Variants in FAF2 observed in about 807,000 individuals in gnomAD.
The protein encoded by FAF2 is Fas associated factor family member 2, also known as FAS-associated factor 2.
In FAF2, 9 loss-of-function variants were observed where a neutral mutation model predicts 62.3. The observed-to-expected ratio is 0.14, with a 90% CI of 0.09 to 0.25. FAF2 has a LOEUF of 0.25. Ranked by LOEUF, FAF2 falls within the 10% of genes least tolerant of loss-of-function variation. The pLI is 1.00. For missense variants in FAF2, 368 were observed against 556.2 expected (o/e 0.66, Z 3.40); for synonymous variants, 202 against 198.0 (o/e 1.02, Z -0.17).
At chr5:176,450,863 GAA>G (rs1758154024) in intron 1 of FAF2, among the ~76,000 whole-genome samples, 5 of 152,110 alleles carry the variant, frequency 3.3e-5, no homozygotes, top group Non-Finnish European at 7.4e-5. Context: ...ATCTTTATTA[GAA>G]GAGAGGTGGG....
intron 1 of FAF2, among the ~76,000 whole-genome samples, chr5:176,456,905 G>C (rs1758285464): frequency 6.6e-6 from 1 of 152,068 alleles, no homozygotes; most frequent in East Asian, 1.9e-4. Flanking sequence ...ATCTTGGAAA[G>C]GTTTTGACAT....
At chr5:176,461,202 C>G (rs1030222997) in intron 1 of FAF2, among the ~76,000 whole-genome samples, 4 of 151,100 alleles carry the variant, frequency 2.6e-5, no homozygotes, top group African/African-American at 9.7e-5. Flanking sequence ...TTAGTAGAGA[C>G]AGGGTTTCAC....
At chr5:176,501,750 T>G (rs1288565848) in intron 10 of FAF2, among the ~76,000 whole-genome samples, 1 of 152,216 alleles carries the variant, frequency 6.6e-6, no homozygotes, top group African/African-American at 2.4e-5. Context: ...GAAGTGCTTA[T>G]GTCTCTAACT....
chr5:176,492,112 T>TA, intron 4 of FAF2, 82 bp from the exon 5 acceptor site: 1 of 1,546,072 alleles, frequency 6.5e-7, no homozygotes, highest in South Asian at 1.1e-5. Flanking sequence ...CTGGCTCTGT[T>TA]ACAGGAATCT....
chr5:176,482,437 T>G lies in FAF2; in HGVS notation c.132+3181T>G, dbSNP rs562553824. On this transcript the variant is annotated intron_variant, in intron 2 of 10. Coordinates refer to ENST00000261942, the MANE Select transcript of FAF2 (RefSeq NM_014613.3). ...CATGTTGGCCAGGCTGGTGTTGAAC[T>G]CCTGGCCTCAAGTGATCCACCCGCC... Among the ~76,000 whole-genome samples the G allele has an allele frequency of 3.3e-4, 51 of 152,298 alleles. No individual in the cohort carries two copies. The South Asian group carries it at 9.7e-3, about 29-fold the overall frequency.
intron 1 of FAF2, among the ~76,000 whole-genome samples, chr5:176,454,644 C>A (rs1324830512): frequency 1.4e-5 from 2 of 138,706 alleles, no homozygotes; most frequent in African/African-American, 5.4e-5. Context: ...AAGTTAGCAA[C>A]ATACAATTGT....
intron 1 of FAF2, among the ~76,000 whole-genome samples, chr5:176,467,261 T>C (rs980064304): frequency 6.6e-6 from 1 of 151,918 alleles, no homozygotes; most frequent in African/African-American, 2.4e-5. Context: ...TAGTTAACCT[T>C]TGTATCCATT....
At chr5:176,473,649 A>C (rs1402103164) in intron 1 of FAF2, among the ~76,000 whole-genome samples, 1 of 152,160 alleles carries the variant, frequency 6.6e-6, no homozygotes, top group Non-Finnish European at 1.5e-5. Context: ...TCTGCACAGG[A>C]TATTTTTCTA....
intron 1 of FAF2, among the ~76,000 whole-genome samples, chr5:176,464,683 G>C (rs1268697987): frequency 2.0e-5 from 3 of 151,348 alleles, no homozygotes; most frequent in East Asian, 3.9e-4. Context: ...TGTAGAGATG[G>C]GTCTCACTGT....
Position 176,471,750 on chromosome 5 carries a change from G to T in FAF2, c.64-7438G>T, listed in dbSNP as rs113906079. On this transcript the variant is annotated intron_variant, in intron 1 of 10. Coordinates refer to ENST00000261942, the MANE Select transcript of FAF2 (RefSeq NM_014613.3). ...CACCTGGGCTGGAGTGCAGTGGTGC[G>T]ATCTTGGCTCACCGCAACCACCTCC... Among the ~76,000 whole-genome samples, 2 of 143,566 alleles carry T rather than the reference G, an allele frequency of 1.4e-5. 1 individual carries two copies. The highest frequency in any genetic ancestry group is 5.2e-5 in the African/African-American group (2 of 38,228). The allele number at this position is 143,566 out of a possible 152,430, so 94.2% of individuals were successfully genotyped here. A position where few individuals can be genotyped will look rare whatever the true frequency, so the allele number is the denominator to read the frequency against.
intron 1 of FAF2, among the ~76,000 whole-genome samples, chr5:176,466,669 A>C (rs1442272595): frequency 3.3e-5 from 5 of 152,212 alleles, no homozygotes; most frequent in Admixed American, 3.3e-4. Context: ...CAGTATTTCG[A>C]AAGCTAGTCT....
At chr5:176,498,697 T>C (rs1755540645) in intron 8 of FAF2, among the ~76,000 whole-genome samples, 1 of 152,228 alleles carries the variant, frequency 6.6e-6, no homozygotes, top group Admixed American at 6.5e-5. Flanking sequence ...GAAAGCTTGC[T>C]GTTTCCTTTT....
chr5:176,498,704 T>C (rs564774301), intron 8 of FAF2, among the ~76,000 whole-genome samples: 2 of 152,316 alleles, frequency 1.3e-5, no homozygotes, highest in South Asian at 4.1e-4. Context: ...TGCTGTTTCC[T>C]TTTCTGCCAA....
intron 1 of FAF2, among the ~76,000 whole-genome samples, chr5:176,474,226 C>T (rs1430174125): frequency 1.3e-5 from 2 of 152,164 alleles, no homozygotes; most frequent in African/African-American, 4.8e-5. Flanking sequence ...AGCCTTCTTC[C>T]TTTGGTTATC....
intron 1 of FAF2, among the ~76,000 whole-genome samples, chr5:176,464,106 T>A (rs2113721704): frequency 6.6e-6 from 1 of 152,262 alleles, no homozygotes; most frequent in Admixed American, 6.5e-5. Flanking sequence ...AGCCACTTCT[T>A]CCACTTATTC....
At chr5:176,483,022 G>T (rs575793955) in intron 2 of FAF2, among the ~76,000 whole-genome samples, 12 of 151,802 alleles carry the variant, frequency 7.9e-5, no homozygotes, top group Admixed American at 4.6e-4. Flanking sequence ...GAGCCACTGT[G>T]CCCGGCCTGT....
intron 1 of FAF2, among the ~76,000 whole-genome samples, chr5:176,452,839 AG>A (rs1206821491): frequency 1.3e-5 from 2 of 152,210 alleles, no homozygotes; most frequent in African/African-American, 4.8e-5. Context: ...GAGTGACACT[AG>A]GTTTCAGGTT....
In FAF2 at chr5:176,448,464, G is replaced by C; in HGVS notation, c.57G>C (p.Gln19His). 6.3e-7 allele frequency: 1 copy of C among 1,599,540 alleles called. No homozygotes were observed. The highest frequency in any genetic ancestry group is 8.5e-7 in the Non-Finnish European group (1 of 1,173,392). ...LTQEQTEKLL[Q>H]FQDLTGIESM... is the part of the protein sequence containing the mutation. ...AGGAGCAGACAGAGAAGCTGCTGCA[G>C]TTTCAGGTAGCAGCGAGTACTCGGT... Residue 19 changes from glutamine to histidine, a missense_variant, in exon 1 of 11, where the codon CAG (glutamine) becomes CAC (histidine). This residue lies in a region of FAF2 where 331 missense variants were observed against 441.9 expected (regional missense o/e 0.75). Coordinates refer to ENST00000261942, the MANE Select transcript of FAF2 (RefSeq NM_014613.3).
chr5:176,480,262 G>T (rs912504975), intron 2 of FAF2, among the ~76,000 whole-genome samples: 1 of 149,914 alleles, frequency 6.7e-6, no homozygotes, highest in Non-Finnish European at 1.5e-5. Flanking sequence ...TTTTAAAAGG[G>T]TGCTGGATTC....
Sources: allele counts gnomAD v4.1 joint callset (sites outside exome capture counted in the v4.1 genomes callset), GRCh38; gene constraint gnomAD v4.1.1; regional missense constraint gnomAD v4.1.1; transcripts MANE v1.5; gene names NCBI Gene and HGNC (gene_info 2026-07-23, HGNC 2026-07-21).